Variants in DDR2 observed in about 807,000 individuals in gnomAD.
DDR2 encodes the protein discoidin domain-containing receptor 2.
Under a neutral mutation model 94.9 loss-of-function variants are expected in DDR2, and 27 were observed. The ratio of observed to expected loss-of-function variants is 0.28; its 90% CI spans 0.21 to 0.39. The LOEUF (loss-of-function observed/expected upper bound fraction) is 0.39, where lower values mean the gene tolerates loss of function less well. DDR2 is among the 10% of genes least tolerant of loss of function. DDR2 has a pLI of 1.00. For synonymous variants in DDR2, 382 were observed against 377.2 expected, an observed-to-expected ratio of 1.01 and a Z score of -0.15; for missense variants, 783 against 1,076.0, an observed-to-expected ratio of 0.73 and a Z score of 3.81.
At chr1:162,668,254 G>T (rs1260795828) in intron 2 of DDR2, among the ~76,000 whole-genome samples, 6 of 152,224 alleles carry the variant, frequency 3.9e-5, no homozygotes, top group African/African-American at 1.4e-4. Context: ...CTGTGGCAGG[G>T]GAGATCCAGG....
intron 2 of DDR2, among the ~76,000 whole-genome samples, chr1:162,708,073 T>C (rs1660737024): frequency 1.3e-5 from 2 of 152,144 alleles, no homozygotes; most frequent in Admixed American, 1.3e-4. Flanking sequence ...TCAGAGAAGG[T>C]GAGAGGTCTC....
intron 3 of DDR2, among the ~76,000 whole-genome samples, chr1:162,741,274 TAATA>T (rs2102086899): frequency 9.0e-6 from 1 of 110,990 alleles, no homozygotes; most frequent in Admixed American, 9.0e-5. Flanking sequence ...TAATATAATA[TAATA>T]TAATATAATA....
At chr1:162,730,311 G>A (rs965508506) in intron 3 of DDR2, among the ~76,000 whole-genome samples, 11 of 152,106 alleles carry the variant, frequency 7.2e-5, no homozygotes, top group Non-Finnish European at 1.2e-4. Context: ...AGAGCAGCCC[G>A]GGACTGCAGG....
At chr1:162,649,933 C>T (rs61810411) in intron 1 of DDR2, among the ~76,000 whole-genome samples, 12,264 of 152,140 alleles carry the variant, frequency 0.081, 506 homozygotes, top group Admixed American at 0.095. Flanking sequence ...TTTCTTCATC[C>T]GTAAAATAAG....
At chr1:162,682,761 T>C (rs927137103) in intron 2 of DDR2, among the ~76,000 whole-genome samples, 2 of 152,248 alleles carry the variant, frequency 1.3e-5, no homozygotes, top group Non-Finnish European at 2.9e-5. Context: ...TATTTACTTA[T>C]GTTTAACACA....
chr1:162,672,525 G>T (rs1651728418), intron 2 of DDR2, among the ~76,000 whole-genome samples: 1 of 152,070 alleles, frequency 6.6e-6, no homozygotes, highest in Non-Finnish European at 1.5e-5. Flanking sequence ...AAGACTATAT[G>T]TTATATATTT....
Position 162,754,681 on chromosome 1 carries a change from T to A in DDR2, c.243T>A (p.Asp81Glu), listed in dbSNP as rs138537887. 236 of 1,614,150 alleles carry A rather than the reference T, an allele frequency of 1.5e-4. 2 individuals are homozygous for A. In the South Asian group the frequency reaches 2.0e-3, roughly 14 times the overall value. ...GCCCTGAGATTCCAGTGGAACCTGA[T>A]GACCTGAAGGAGTTTCTGCAGATTG... The part of the protein sequence containing the change: ...AWCPEIPVEP[D>E]DLKEFLQIDL... The change falls in exon 5 of 18, where the codon GAT becomes GAA. Residue 81 changes from aspartate (D) to glutamate (E), a missense_variant. By Grantham distance (45) the Asp-to-Glu change is conservative. Transcript: ENST00000367921.
At chr1:162,750,761 G>A (rs1663148550) in intron 3 of DDR2, among the ~76,000 whole-genome samples, 1 of 152,204 alleles carries the variant, frequency 6.6e-6, no homozygotes, top group Admixed American at 6.5e-5. Flanking sequence ...CAAGGCTACA[G>A]TAACCAAAAC....
rs1648187733 is a variant in DDR2, at chr1:162,787,294, C to T, written c.*7048C>T. 6.6e-6 allele frequency: 1 copy of T among 151,626 alleles called. No homozygotes were observed. The highest frequency in any genetic ancestry group is 2.1e-4 in the South Asian group (1 of 4,778). 9.4% of individuals were successfully genotyped at this position (151,626 alleles called of 1,614,324 possible). A position where few individuals can be genotyped will look rare whatever the true frequency, so the allele number is the denominator to read the frequency against. On this transcript the variant is annotated 3_prime_UTR_variant, in exon 18 of 18. Transcript: ENST00000367921. ...CTTATGATGATTAAAAAAAACACAC[C>T]TATCCATTCACTCATCAATAAAAAC...
chr1:162,633,575 T>C (rs767228359), intron 1 of DDR2, among the ~76,000 whole-genome samples: 1 of 152,220 alleles, frequency 6.6e-6, no homozygotes, highest in Non-Finnish European at 1.5e-5. Flanking sequence ...GTAGTGGAGC[T>C]GAAAATGAAA....
chr1:162,752,523 G>A (rs547361920), intron 3 of DDR2, among the ~76,000 whole-genome samples: 4 of 152,140 alleles, frequency 2.6e-5, no homozygotes, highest in Admixed American at 6.5e-5. Context: ...CTGTTACTCC[G>A]TCTTTGGTTG....
chr1:162,722,350 A>T (rs1446434408), intron 3 of DDR2, among the ~76,000 whole-genome samples: 1 of 152,226 alleles, frequency 6.6e-6, no homozygotes, highest in Non-Finnish European at 1.5e-5. Flanking sequence ...TTTGTGGGAA[A>T]TGCTGACATG....
intron 2 of DDR2, among the ~76,000 whole-genome samples, chr1:162,660,587 G>A (rs990719675): frequency 6.6e-6 from 1 of 152,182 alleles, no homozygotes; most frequent in Admixed American, 6.5e-5. Context: ...CATGTTAAAT[G>A]CAGGTTCTGA....
Position 162,668,734 on chromosome 1 carries a change from C to G in DDR2, c.-28+13360C>G, listed in dbSNP as rs924371106. 7.9e-5 allele frequency among the ~76,000 whole-genome samples: 12 copies of G among 152,292 alleles called. No individual in the cohort carries two copies. The South Asian group carries it at 1.7e-3, about 21-fold the overall frequency. On this transcript the variant is annotated intron_variant, in intron 2 of 17. Coordinates refer to ENST00000367921, the MANE Select transcript of DDR2 (RefSeq NM_006182.4). ...AGATAACCTCATTTTAACTTGGTAA[C>G]ATCTGCAAAGACCCTAGTTTCAAAT...
chr1:162,673,465 G>T (rs1312891648), intron 2 of DDR2, among the ~76,000 whole-genome samples: 1 of 152,066 alleles, frequency 6.6e-6, no homozygotes, highest in Non-Finnish European at 1.5e-5. Context: ...GGCAACTCTG[G>T]CTTTTTATTT....
intron 1 of DDR2, among the ~76,000 whole-genome samples, chr1:162,635,488 C>T (rs1037587665): frequency 1.3e-5 from 2 of 152,178 alleles, no homozygotes; most frequent in African/African-American, 4.8e-5. Context: ...TAAAAGTGGA[C>T]CTCCACAGAC....
intron 10 of DDR2, 93 bp from the exon 11 acceptor site, chr1:162,767,136 C>CAGG (rs1265779980): frequency 8.3e-6 from 13 of 1,566,184 alleles, no homozygotes; most frequent in Non-Finnish European, 1.1e-5. Flanking sequence ...CCTCAAGGAA[C>CAGG]AGGGTCTACC....
Position 162,775,714 on chromosome 1 carries a change from T to C in DDR2, c.1919T>C (p.Leu640Pro), listed in dbSNP as rs780991379. ...SRLKDPNIIH[L>P]LAVCITDDPL... ...CTCAAGGACCCAAACATCATCCATC[T>C]ATTAGCTGTGTGTATCACTGATGAC... The change falls in exon 15 of 18, where the codon CTA becomes CCA. Residue 640 changes from leucine (L) to proline (P), a missense_variant. Coordinates refer to ENST00000367921, the MANE Select transcript of DDR2 (RefSeq NM_006182.4). The C allele has an allele frequency of 6.2e-7, 1 of 1,614,150 alleles. No homozygotes were observed.
intron 1 of DDR2, among the ~76,000 whole-genome samples, chr1:162,643,700 C>T (rs1227160045): frequency 3.9e-5 from 6 of 152,070 alleles, no homozygotes; most frequent in Admixed American, 6.6e-5. Flanking sequence ...AGTCTGGTCT[C>T]GAACTCCTGA....
Sources: gnomAD v4.1 joint callset for allele counts (sites outside exome capture counted in the v4.1 genomes callset) on GRCh38, gnomAD v4.1.1 for gene constraint, MANE v1.5 for transcripts, NCBI Gene and HGNC (gene_info 2026-07-23, HGNC 2026-07-21) for gene names.